The following SGCZ variants were observed in gnomAD, a reference collection of about 807,000 sequenced individuals.
SGCZ encodes the protein zeta-sarcoglycan.
SGCZ carries 40 observed loss-of-function variants against 41.3 expected under a neutral mutation model. The ratio of observed to expected loss-of-function variants is 0.97; its 90% CI spans 0.75 to 1.26. The LOEUF (loss-of-function observed/expected upper bound fraction) is 1.26. Among genes scored for constraint, SGCZ ranks in the 50% most tolerant of loss-of-function variants. SGCZ has a pLI of 0.00. For synonymous variants in SGCZ, 206 were observed against 137.5 expected (o/e 1.50, Z -3.49); for missense variants, 552 against 369.8 (o/e 1.49, Z -4.04).
chr8:14,507,745 TTTGTTTGTTTGTTTG>T (rs1360885842), intron 2 of SGCZ, among the ~76,000 whole-genome samples: 1 of 141,078 alleles, frequency 7.1e-6, no homozygotes, highest in African/African-American at 2.9e-5. Context: ...CATTGCTGTT[TTTGTTTGTTTGTTTG>T]TTTTTTTGTT....
intron 1 of SGCZ, among the ~76,000 whole-genome samples, chr8:14,935,923 G>T (rs1050163629): frequency 1.3e-5 from 2 of 151,828 alleles, no homozygotes; most frequent in African/African-American, 4.8e-5. Flanking sequence ...GAGCTGATTT[G>T]CTCTATTTGT....
intron 1 of SGCZ, among the ~76,000 whole-genome samples, chr8:15,175,820 G>A (rs1799981259): frequency 6.6e-6 from 1 of 152,150 alleles, no homozygotes. Flanking sequence ...AATGGGGAAA[G>A]AAAATGACTT....
chr8:14,388,497 A>G (rs916368086), intron 2 of SGCZ, among the ~76,000 whole-genome samples: 1 of 152,180 alleles, frequency 6.6e-6, no homozygotes, highest in Non-Finnish European at 1.5e-5. Context: ...TTAATTTTAA[A>G]ATAAATATGC....
At position 14,431,717 on chromosome 8, in the gene SGCZ, C is replaced by G. The variant is rs531627065; in HGVS notation, c.235-107513G>C. ...TTAATTAAATGAAAGAACTTTTGCACGGCAAAAAGAACAGTTAGTAAAAAG... is the reference window on the plus strand; with the variant it reads ...TTAATTAAATGAAAGAACTTTTGCAGGGCAAAAAGAACAGTTAGTAAAAAG... On this transcript the variant is annotated intron_variant, in intron 2 of 7. Transcript: ENST00000382080. 3.3e-5 allele frequency among the ~76,000 whole-genome samples: 5 copies of G among 151,960 alleles called. No individual in the cohort carries two copies. The South Asian group carries it at 1.0e-3, about 32-fold the overall frequency.
At chr8:15,191,288 C>T (rs17575762) in intron 1 of SGCZ, among the ~76,000 whole-genome samples, 3,033 of 152,062 alleles carry the variant, frequency 0.02, 55 homozygotes, top group Non-Finnish European at 0.034. Context: ...CTGTATTCAA[C>T]GTATTTATTC....
intron 1 of SGCZ, among the ~76,000 whole-genome samples, chr8:15,157,365 C>A (rs1215734059): frequency 6.6e-6 from 1 of 151,696 alleles, no homozygotes; most frequent in Non-Finnish European, 1.5e-5. Flanking sequence ...ACCAGCCACA[C>A]TGCAGATTAC....
At chr8:14,902,839 T>C (rs1799011099) in intron 1 of SGCZ, among the ~76,000 whole-genome samples, 1 of 152,128 alleles carries the variant, frequency 6.6e-6, no homozygotes, top group South Asian at 2.1e-4. Context: ...TACTCAGAAG[T>C]CTACTTTCAA....
rs1449483507 is a variant in SGCZ at position 14,804,703 on chromosome 8, C to T, written c.40-249777G>A. Reference sequence around the variant, plus strand: ...TCCCCAATCTAGCAAGGCAGGCCAACGTTCAGATGCAGGAAATACAGAGAA... The same window carrying T: ...TCCCCAATCTAGCAAGGCAGGCCAATGTTCAGATGCAGGAAATACAGAGAA... On this transcript the variant is annotated intron_variant, in intron 1 of 7. Coordinates refer to ENST00000382080, the MANE Select transcript of SGCZ (RefSeq NM_139167.4). Among the ~76,000 whole-genome samples the T allele has an allele frequency of 3.3e-4, 40 of 121,710 alleles. 1 individual carries two copies. Among genetic ancestry groups the T allele is most frequent in the African/African-American group, 1.0e-3 (37 of 35,242 alleles). The allele number at this position is 121,710 out of a possible 152,430, so 79.8% of individuals were successfully genotyped here. A position where few individuals can be genotyped will look rare whatever the true frequency, so the allele number is the denominator to read the frequency against.
intron 3 of SGCZ, among the ~76,000 whole-genome samples, chr8:14,295,992 C>T (rs773062505): frequency 1.6e-4 from 25 of 152,156 alleles, no homozygotes; most frequent in Non-Finnish European, 2.8e-4. Context: ...CTGTGAGGTA[C>T]AGTCAGATAC....
intron 2 of SGCZ, among the ~76,000 whole-genome samples, chr8:14,502,822 A>G (rs1002536400): frequency 2.0e-5 from 3 of 152,330 alleles, no homozygotes; most frequent in African/African-American, 7.2e-5. Flanking sequence ...GAGGATGTGG[A>G]GAAATAGGAA....
chr8:15,062,150 A>T (rs1304285759), intron 1 of SGCZ, among the ~76,000 whole-genome samples: 1 of 152,238 alleles, frequency 6.6e-6, no homozygotes, highest in South Asian at 2.1e-4. Flanking sequence ...ATATGTGATC[A>T]TTTCACCCCT....
At chr8:14,615,991 G>A (rs4831619) in intron 1 of SGCZ, among the ~76,000 whole-genome samples, 29,599 of 151,954 alleles carry the variant, frequency 0.19, 3,629 homozygotes, top group Non-Finnish European at 0.28. Context: ...ATTGTAGTAT[G>A]GAAAACCCTG....
At chr8:14,295,757 C>A (rs1381482046) in intron 3 of SGCZ, among the ~76,000 whole-genome samples, 3 of 152,100 alleles carry the variant, frequency 2.0e-5, no homozygotes, top group East Asian at 3.9e-4. Flanking sequence ...AATGTGAACG[C>A]CAAACACAGA....
chr8:14,989,935 T>G (rs1203713169), intron 1 of SGCZ, among the ~76,000 whole-genome samples: 1 of 152,208 alleles, frequency 6.6e-6, no homozygotes, highest in Non-Finnish European at 1.5e-5. Context: ...GAACTCTTCC[T>G]TCTACGTGTA....
chr8:15,163,686 T>C (rs1453887710), intron 1 of SGCZ, among the ~76,000 whole-genome samples: 1 of 152,256 alleles, frequency 6.6e-6, no homozygotes, highest in Admixed American at 6.5e-5. Context: ...TTTTACTGCA[T>C]ACTTTTGTAC....
intron 2 of SGCZ, among the ~76,000 whole-genome samples, chr8:14,541,636 G>C (rs911697058): frequency 2.6e-5 from 4 of 151,928 alleles, no homozygotes; most frequent in African/African-American, 9.7e-5. Flanking sequence ...TAATCCTTTG[G>C]GTATATGCCC....
At chr8:14,107,828 C>T (rs1161893083) in intron 6 of SGCZ, among the ~76,000 whole-genome samples, 2 of 151,726 alleles carry the variant, frequency 1.3e-5, no homozygotes, top group African/African-American at 2.4e-5. Context: ...TTCTATTTTT[C>T]GTAGAGACAG....
intron 5 of SGCZ, among the ~76,000 whole-genome samples, chr8:14,125,774 A>G (rs1802835317): frequency 6.6e-6 from 1 of 152,166 alleles, no homozygotes; most frequent in African/African-American, 2.4e-5. Flanking sequence ...ACCATAACAG[A>G]CATATAGACC....
At chr8:14,783,851 A>G (rs1410981386) in intron 1 of SGCZ, among the ~76,000 whole-genome samples, 1 of 152,144 alleles carries the variant, frequency 6.6e-6, no homozygotes, top group Non-Finnish European at 1.5e-5. Context: ...CTCACTATGG[A>G]ATGCTAAAAA....
Sources: gnomAD v4.1 joint callset for allele counts (sites outside exome capture counted in the v4.1 genomes callset) on GRCh38, gnomAD v4.1.1 for gene constraint, MANE v1.5 for transcripts, NCBI Gene and HGNC (gene_info 2026-07-23, HGNC 2026-07-21) for gene names.